HELQ: variants seen among roughly 807,000 people sequenced by gnomAD.
The protein encoded by HELQ is helicase, POLQ like.
Under a neutral mutation model 111.6 loss-of-function variants are expected in HELQ, and 77 were observed. The observed-to-expected ratio is 0.69, with a 90% CI of 0.57 to 0.83. HELQ has a LOEUF of 0.83. Among genes scored for constraint, HELQ ranks in the 40% least tolerant of loss-of-function variants. The pLI is 0.00. For missense variants in HELQ, 1,200 were observed against 1,288.5 expected (o/e 0.93, Z 1.05); for synonymous variants, 438 against 454.7 (o/e 0.96, Z 0.47).
chr4:83,437,650 A>G (rs75081723), intron 8 of HELQ, among the ~76,000 whole-genome samples: 4 of 151,746 alleles, frequency 2.6e-5, no homozygotes, highest in Non-Finnish European at 5.9e-5. Context: ...TTACATAAAT[A>G]CAACACTTTA....
At position 83,448,815 on chromosome 4, in the gene HELQ, T is replaced by A; in HGVS notation, c.1159A>T (p.Ile387Phe). 1.2e-6 allele frequency: 2 copies of A among 1,613,642 alleles called. No individual in the cohort carries two copies. Among genetic ancestry groups the A allele is most frequent in the East Asian group, 2.2e-5 (1 of 44,878 alleles). The change falls in exon 3 of 18, where the codon ATT (isoleucine) becomes TTT (phenylalanine). Residue 387 changes from isoleucine (I) to phenylalanine (F), a missense_variant. By Grantham distance (21) the Ile-to-Phe change is conservative. Around this residue, in one of 3 missense-constraint regions of HELQ, gnomAD observed 610 missense variants for 607.1 expected, o/e 1.00. Coordinates refer to ENST00000295488, the MANE Select transcript of HELQ (RefSeq NM_133636.5). ...TGGACAATTGCCACATATGGAAGAA[T>A]CATTAAAACATCTTTCCGACAGCAA... Reference protein sequence around the residue: ...LLCCRKDVLMILPYVAIVQEK... With the variant: ...LLCCRKDVLMFLPYVAIVQEK...
At chr4:83,446,324 TA>T (rs1721045564) in intron 4 of HELQ, among the ~76,000 whole-genome samples, 1 of 144,162 alleles carries the variant, frequency 6.9e-6, no homozygotes, top group Non-Finnish European at 1.5e-5. Context: ...ATTTTTTTTT[TA>T]AACGGAGTTT....
At chr4:83,433,131 T>A (rs1720246195) in intron 9 of HELQ, among the ~76,000 whole-genome samples, 1 of 152,116 alleles carries the variant, frequency 6.6e-6, no homozygotes, top group Admixed American at 6.6e-5. Flanking sequence ...AGCTTTCTTA[T>A]CCAAAGGGAA....
At chr4:83,420,425 A>C (rs1739607389) in intron 15 of HELQ, among the ~76,000 whole-genome samples, 1 of 152,056 alleles carries the variant, frequency 6.6e-6, no homozygotes, top group Non-Finnish European at 1.5e-5. Flanking sequence ...TTCAGCCTGA[A>C]GTTCAAGACC....
At position 83,429,934 on chromosome 4, in the gene HELQ, T is replaced by C. The variant is rs115519275; in HGVS notation, c.2296-188A>G. 3.9e-3 allele frequency among the ~76,000 whole-genome samples: 593 copies of C among 152,202 alleles called. 4 individuals carry two copies. The highest frequency in any genetic ancestry group is 0.014 in the African/African-American group (564 of 41,538). ...AAAATTAACAAAAAATTTAGGGGGA[T>C]GATAGTTATTATATTCATGCTTTTT... is the stretch of plus-strand genomic sequence containing the variant. On this transcript the variant is annotated intron_variant, in intron 11 of 17. Coordinates refer to ENST00000295488, the MANE Select transcript of HELQ (RefSeq NM_133636.5).
intron 6 of HELQ, among the ~76,000 whole-genome samples, chr4:83,443,242 TA>T (rs1021133415): frequency 2.0e-4 from 30 of 151,832 alleles, no homozygotes; most frequent in African/African-American, 7.0e-4. Flanking sequence ...AGTGAAAAAA[TA>T]AAATGGGGGT....
intron 12 of HELQ, 82 bp downstream of exon 12, chr4:83,429,442 C>A: frequency 1.9e-6 from 2 of 1,059,308 alleles, no homozygotes; most frequent in Non-Finnish European, 1.4e-6. Context: ...AGCCACTGTG[C>A]CCAGCTTAAA....
chr4:83,455,172 TCA>T lies in HELQ; in HGVS notation c.297+223_297+224del, dbSNP rs1451865151. 3.7e-6 allele frequency: 3 copies of T among 801,642 alleles called. No homozygotes were observed. In the Admixed American group the frequency reaches 9.4e-5, roughly 25 times the overall value. The allele number at this position is 801,642 out of a possible 1,614,324, so 49.7% of individuals were successfully genotyped here. ...TTATCTGGAAGCCTAGATTTGTGTC[TCA>T]GTCATGCCACTTAACTGCTGCGTGC... is the stretch of plus-strand genomic sequence containing the variant. On this transcript the variant is annotated intron_variant, in intron 1 of 17. Coordinates refer to ENST00000295488, the MANE Select transcript of HELQ (RefSeq NM_133636.5).
At chr4:83,446,598 G>A (rs1031853832) in intron 4 of HELQ, among the ~76,000 whole-genome samples, 3 of 152,044 alleles carry the variant, frequency 2.0e-5, no homozygotes, top group Admixed American at 6.6e-5. Flanking sequence ...GAGCCACCAC[G>A]CCCAGCCAAT....
At chr4:83,449,388 C>G (rs746810899) in intron 2 of HELQ, among the ~76,000 whole-genome samples, 2 of 152,156 alleles carry the variant, frequency 1.3e-5, no homozygotes, top group African/African-American at 2.4e-5. Flanking sequence ...CAGAGAGAAG[C>G]AGGGGAAGGA....
At chr4:83,438,679 C>T (rs1484537429) in intron 8 of HELQ, among the ~76,000 whole-genome samples, 3 of 141,822 alleles carry the variant, frequency 2.1e-5, no homozygotes, top group Non-Finnish European at 3.0e-5. Flanking sequence ...GAGACAGAGG[C>T]TGCAGTGAGC....
At chr4:83,452,390 T>C (rs570319310) in intron 2 of HELQ, among the ~76,000 whole-genome samples, 2 of 152,332 alleles carry the variant, frequency 1.3e-5, no homozygotes, top group African/African-American at 4.8e-5. Context: ...CAGCTGTCTT[T>C]AAAGATGTCT....
rs1271850444 is a variant in HELQ at position 83,436,985 on chromosome 4, C to A, written c.1921G>T (p.Ala641Ser). Residue 641 changes from alanine (A) to serine (S), a missense_variant, in exon 9 of 18, where the codon GCC (alanine) becomes TCC (serine). By Grantham distance (99) the Ala-to-Ser change is moderately conservative. This residue lies in a region of HELQ where 585 missense variants were observed against 665.3 expected (regional missense o/e 0.88). Coordinates refer to ENST00000295488, the MANE Select transcript of HELQ (RefSeq NM_133636.5). ...VLKRTIPFGVAYHHSGLTSDE... is the reference protein window; with the variant it reads ...VLKRTIPFGVSYHHSGLTSDE... ...CTTGTTAAGCCACTGTGGTGATAGG[C>A]AACTCCAAATGGGATAGTGCGCTTT... 1 of 1,614,138 alleles carries A rather than the reference C, an allele frequency of 6.2e-7. No homozygotes were observed. The highest frequency in any genetic ancestry group is 8.5e-7 in the Non-Finnish European group (1 of 1,180,004).
intron 14 of HELQ, among the ~76,000 whole-genome samples, chr4:83,422,103 G>A (rs1255953923): frequency 6.6e-6 from 1 of 151,968 alleles, no homozygotes; most frequent in Admixed American, 6.6e-5. Context: ...GCGCGCACCT[G>A]TAGTCCTGGC....
chr4:83,416,232 G>C (rs921638430), intron 17 of HELQ, among the ~76,000 whole-genome samples: 1 of 151,882 alleles, frequency 6.6e-6, no homozygotes, highest in East Asian at 1.9e-4. Context: ...ACAGGCATGA[G>C]GCACCATGCC....
intron 12 of HELQ, among the ~76,000 whole-genome samples, chr4:83,429,187 C>A (rs1720009249): frequency 6.6e-6 from 1 of 152,056 alleles, no homozygotes; most frequent in Admixed American, 6.5e-5. Flanking sequence ...GGCTCTGTTG[C>A]CCAGCCTGGA....
Position 83,429,680 on chromosome 4 carries a change from C to G in HELQ, c.2362G>C (p.Val788Leu), listed in dbSNP as rs372600577. ...CAGAGACTTTTTTCTTTCAATAAAACCTTTTGCTGAACACCAAAAAATGTA... is the reference window on the plus strand; with the variant it reads ...CAGAGACTTTTTTCTTTCAATAAAAGCTTTTGCTGAACACCAAAAAATGTA... Reference protein sequence around the residue: ...NGTFFGVQQKVLLKEKSLWEI... With the variant: ...NGTFFGVQQKLLLKEKSLWEI... Residue 788 changes from valine (V) to leucine (L), a missense_variant, in exon 12 of 18, where the codon GTT (valine) becomes CTT (leucine). Transcript: ENST00000295488. The G allele has an allele frequency of 3.1e-6, 5 of 1,613,366 alleles. No homozygotes were observed. The African/African-American group carries it at 5.3e-5, about 17-fold the overall frequency.
At chr4:83,420,155 A>C (rs532183572) in intron 15 of HELQ, among the ~76,000 whole-genome samples, 17 of 152,368 alleles carry the variant, frequency 1.1e-4, no homozygotes, top group Middle Eastern at 3.4e-3. Context: ...AAGCCTGGTA[A>C]GCTTTATTGT....
chr4:83,412,374 T>C (rs1237043614), intron 17 of HELQ, among the ~76,000 whole-genome samples: 1 of 152,226 alleles, frequency 6.6e-6, no homozygotes, highest in Non-Finnish European at 1.5e-5. Context: ...AGACATATAT[T>C]GGTCTTCATC....
Sources: gnomAD v4.1 joint callset for allele counts (sites outside exome capture counted in the v4.1 genomes callset) on GRCh38, gnomAD v4.1.1 for gene constraint, gnomAD v4.1.1 regional missense constraint, MANE v1.5 for transcripts, NCBI Gene and HGNC (gene_info 2026-07-23, HGNC 2026-07-21) for gene names.